PDSS2: variants seen among roughly 807,000 people sequenced by gnomAD.
PDSS2 encodes decaprenyl diphosphate synthase subunit 2.
A neutral mutation model predicts 44.5 loss-of-function variants in PDSS2; 31 were observed. The observed-to-expected ratio is 0.70, with a 90% CI of 0.52 to 0.94. The LOEUF is 0.94. Ranked by LOEUF, PDSS2 falls within the 40% of genes least tolerant of loss-of-function variation. PDSS2 has a pLI of 0.00. For missense variants in PDSS2, 452 were observed against 482.2 expected, an observed-to-expected ratio of 0.94 and a Z score of 0.59; for synonymous variants, 157 against 180.3, an observed-to-expected ratio of 0.87 and a Z score of 1.03.
At chr6:107,272,122 C>A (rs1331249780) in intron 3 of PDSS2, among the ~76,000 whole-genome samples, 2 of 151,240 alleles carry the variant, frequency 1.3e-5, no homozygotes, top group Non-Finnish European at 1.5e-5. Context: ...TGAGAACTCT[C>A]TCCACTGTGT....
At chr6:107,351,756 A>G (rs2115336992) in intron 1 of PDSS2, among the ~76,000 whole-genome samples, 1 of 152,290 alleles carries the variant, frequency 6.6e-6, no homozygotes, top group South Asian at 2.1e-4. Context: ...GAAAGGTCTA[A>G]TATTCTCATA....
Position 107,353,964 on chromosome 6 carries a change from T to C in PDSS2, c.297-19632A>G, listed in dbSNP as rs77673335. On this transcript the variant is annotated intron_variant, in intron 1 of 7. Transcript: ENST00000369037. ...ACATGGTCTTCTTTATATAGCATTA[T>C]AAACAGATGGTAAAGAGTGGTCATG... Among the ~76,000 whole-genome samples, 24 of 152,332 alleles carry C rather than the reference T, an allele frequency of 1.6e-4. No homozygotes were observed. The East Asian group carries it at 4.6e-3, about 29-fold the overall frequency.
At chr6:107,408,300 A>G (rs1181543189) in intron 1 of PDSS2, among the ~76,000 whole-genome samples, 1 of 152,210 alleles carries the variant, frequency 6.6e-6, no homozygotes, top group African/African-American at 2.4e-5. Context: ...GGCTTGAGCC[A>G]CCACACCTGG....
At chr6:107,216,403 G>A (rs1773413620) in intron 4 of PDSS2, among the ~76,000 whole-genome samples, 1 of 151,968 alleles carries the variant, frequency 6.6e-6, no homozygotes, top group African/African-American at 2.4e-5. Flanking sequence ...AACCAGGGAG[G>A]CAGAGGTTGC....
intron 3 of PDSS2, among the ~76,000 whole-genome samples, chr6:107,267,364 G>C (rs1213433651): frequency 1.3e-5 from 2 of 152,128 alleles, no homozygotes; most frequent in Non-Finnish European, 2.9e-5. Context: ...CTCTAAACAA[G>C]GGCTAAGTTT....
intron 1 of PDSS2, among the ~76,000 whole-genome samples, chr6:107,340,026 CTT>C (rs968279425): frequency 8.1e-5 from 12 of 148,936 alleles, no homozygotes; most frequent in African/African-American, 3.0e-4. Context: ...AATTAGGAAA[CTT>C]TTGTAATAGT....
At chr6:107,269,956 C>A (rs1224127565) in intron 3 of PDSS2, among the ~76,000 whole-genome samples, 1 of 152,066 alleles carries the variant, frequency 6.6e-6, no homozygotes, top group African/African-American at 2.4e-5. Flanking sequence ...CGTGAGCCAC[C>A]GTGCCCAAAT....
At chr6:107,458,927 G>C in intron 1 of PDSS2, 63 bp downstream of exon 1, 1 of 1,474,792 alleles carries the variant, frequency 6.8e-7, no homozygotes, top group Non-Finnish European at 9.4e-7. Flanking sequence ...GAATGCGTAT[G>C]CCCGCCAGAA....
intron 2 of PDSS2, 84 bp from the exon 3 acceptor site, chr6:107,274,311 T>A (rs965251966): frequency 1.8e-6 from 2 of 1,115,050 alleles, no homozygotes; most frequent in African/African-American, 3.1e-5. Flanking sequence ...AACAATAAAA[T>A]ATTCCATAGG....
chr6:107,459,119 G>C lies in PDSS2; in HGVS notation c.167C>G (p.Ala56Gly). The C allele has an allele frequency of 6.2e-7, 1 of 1,614,134 alleles. No homozygotes were observed. The highest frequency in any genetic ancestry group is 1.3e-5 in the African/African-American group (1 of 75,048). The change falls in exon 1 of 8, where the codon GCG becomes GGG. Residue 56 changes from alanine to glycine, a missense_variant. Physicochemically the swap from Ala to Gly is moderately conservative, Grantham distance 60. Coordinates refer to ENST00000369037, the MANE Select transcript of PDSS2 (RefSeq NM_020381.4). This position sits in a 1 kb window ranked among gnomAD's most constrained non-coding sequence, Gnocchi z 4.3. ...PAHWNQVVSE[A>G]EKIVGYPTSF... ...CGTGGGGTACCCCACGATCTTCTCC[G>C]CCTCTGACACTACCTGATTCCAGTG...
At chr6:107,357,737 T>A (rs977267489) in intron 1 of PDSS2, among the ~76,000 whole-genome samples, 10 of 152,146 alleles carry the variant, frequency 6.6e-5, no homozygotes, top group African/African-American at 2.4e-4. Flanking sequence ...TCTCTGGCAA[T>A]TTTTTACTGT....
intron 4 of PDSS2, among the ~76,000 whole-genome samples, chr6:107,243,545 A>C (rs1177345399): frequency 1.3e-5 from 2 of 152,258 alleles, no homozygotes; most frequent in South Asian, 4.1e-4. Flanking sequence ...TAGATATCTT[A>C]TATGGAACTA....
chr6:107,411,704 A>G (rs541741145), intron 1 of PDSS2, among the ~76,000 whole-genome samples: 7 of 152,144 alleles, frequency 4.6e-5, no homozygotes, highest in African/African-American at 9.7e-5. Flanking sequence ...ATTAATTATT[A>G]TAAGTAATCT....
At chr6:107,167,831 T>G (rs1771410561) in intron 7 of PDSS2, among the ~76,000 whole-genome samples, 1 of 152,226 alleles carries the variant, frequency 6.6e-6, no homozygotes, top group Admixed American at 6.5e-5. Context: ...GATTGCACTG[T>G]GGTCTGAGAG....
intron 7 of PDSS2, among the ~76,000 whole-genome samples, chr6:107,187,421 T>C (rs559902480): frequency 2.6e-4 from 40 of 152,206 alleles, no homozygotes; most frequent in Non-Finnish European, 5.3e-4. Flanking sequence ...TTCCAACACT[T>C]TGGGAGGCCG....
At chr6:107,315,367 T>C (rs1165531477) in intron 2 of PDSS2, among the ~76,000 whole-genome samples, 1 of 152,220 alleles carries the variant, frequency 6.6e-6, no homozygotes, top group Admixed American at 6.5e-5. Context: ...TAAACATTTG[T>C]AGCAAAGAGA....
At chr6:107,205,152 G>A (rs1772928515) in intron 6 of PDSS2, among the ~76,000 whole-genome samples, 1 of 152,188 alleles carries the variant, frequency 6.6e-6, no homozygotes, top group African/African-American at 2.4e-5. Context: ...TTGCCTAGCA[G>A]TCTTTGTTTT....
intron 1 of PDSS2, among the ~76,000 whole-genome samples, chr6:107,381,151 G>A (rs1029467507): frequency 6.6e-6 from 1 of 152,010 alleles, no homozygotes; most frequent in Admixed American, 6.6e-5. Context: ...ACACCATACG[G>A]CACATAGCAC....
intron 6 of PDSS2, among the ~76,000 whole-genome samples, chr6:107,195,267 G>C (rs988315690): frequency 2.6e-5 from 4 of 151,994 alleles, no homozygotes; most frequent in African/African-American, 9.7e-5. Flanking sequence ...GATTGTTTGA[G>C]CCCGTGAGTT....
Sources: gnomAD v4.1 joint callset for allele counts (sites outside exome capture counted in the v4.1 genomes callset) on GRCh38, gnomAD v4.1.1 for gene constraint, Gnocchi (gnomAD v3.1) non-coding constraint, MANE v1.5 for transcripts, NCBI Gene and HGNC (gene_info 2026-07-23, HGNC 2026-07-21) for gene names.